Variants in NPAS2 observed in about 807,000 individuals in gnomAD.
NPAS2 encodes neuronal PAS domain protein 2, also known as neuronal PAS domain-containing protein 2.
A neutral mutation model predicts 107.5 loss-of-function variants in NPAS2; 23 were observed. The observed-to-expected ratio is 0.21, with a 90% CI of 0.15 to 0.30. The LOEUF (loss-of-function observed/expected upper bound fraction) is 0.30, where lower values mean the gene tolerates loss of function less well. Among genes scored for constraint, NPAS2 ranks in the 10% least tolerant of loss-of-function variants. NPAS2 has a pLI of 1.00. For missense variants in NPAS2, 756 were observed against 1,043.3 expected (o/e 0.72, Z 3.79); for synonymous variants, 403 against 417.5 (o/e 0.97, Z 0.42).
intron 1 of NPAS2, among the ~76,000 whole-genome samples, chr2:100,879,512 G>T (rs146164052): frequency 6.6e-6 from 1 of 151,398 alleles, no homozygotes; most frequent in Non-Finnish European, 1.5e-5. Flanking sequence ...CCTTCCATCC[G>T]TCCCAAACCC....
At chr2:100,942,975 C>T (rs1362144837) in intron 5 of NPAS2, among the ~76,000 whole-genome samples, 1 of 152,198 alleles carries the variant, frequency 6.6e-6, no homozygotes, top group Non-Finnish European at 1.5e-5. Flanking sequence ...GCAATTCCTG[C>T]ATTCATCCCA....
chr2:100,920,618 G>A (rs546975507), intron 2 of NPAS2, among the ~76,000 whole-genome samples: 1 of 152,194 alleles, frequency 6.6e-6, no homozygotes, highest in Non-Finnish European at 1.5e-5. Flanking sequence ...TCATCACAGA[G>A]CTGCTGGCCC....
At chr2:100,950,032 C>T (rs911461736) in intron 7 of NPAS2, among the ~76,000 whole-genome samples, 1 of 152,208 alleles carries the variant, frequency 6.6e-6, no homozygotes, top group African/African-American at 2.4e-5. Flanking sequence ...TGAAAGTACC[C>T]GGTTACCTGA....
intron 1 of NPAS2, among the ~76,000 whole-genome samples, chr2:100,857,317 AG>A (rs1678641632): frequency 6.7e-6 from 1 of 148,912 alleles, no homozygotes; most frequent in African/African-American, 2.5e-5. Context: ...AAAAAAAAAA[AG>A]ATGTTATCAT....
chr2:100,947,402 T>G (rs1674964807), intron 5 of NPAS2, among the ~76,000 whole-genome samples: 1 of 151,952 alleles, frequency 6.6e-6, no homozygotes, highest in African/African-American at 2.4e-5. Context: ...ATACAAAAAA[T>G]TAGCCGGCCA....
At chr2:100,993,584 A>G (rs1269080120) in intron 20 of NPAS2, 57 bp downstream of exon 20, 2 of 1,303,174 alleles carry the variant, frequency 1.5e-6, no homozygotes, top group African/African-American at 1.5e-5. Context: ...GCCACGCTCC[A>G]CACCCGAAGT....
intron 2 of NPAS2, among the ~76,000 whole-genome samples, chr2:100,910,083 C>T (rs989478502): frequency 1.3e-5 from 2 of 152,090 alleles, no homozygotes; most frequent in Non-Finnish European, 2.9e-5. Flanking sequence ...TCTCTGGGGG[C>T]ATCTGAGGCA....
At chr2:100,942,487 G>C (rs1015465813) in intron 5 of NPAS2, among the ~76,000 whole-genome samples, 5 of 151,944 alleles carry the variant, frequency 3.3e-5, no homozygotes, top group African/African-American at 1.2e-4. Context: ...GCTTAGAGTT[G>C]ATCATGGATT....
At chr2:100,841,780 G>A (rs753882866) in intron 1 of NPAS2, among the ~76,000 whole-genome samples, 2 of 152,042 alleles carry the variant, frequency 1.3e-5, no homozygotes, top group Non-Finnish European at 2.9e-5. Context: ...GCACACATAT[G>A]CATACACACA....
Position 100,873,307 on chromosome 2 carries a change from TACACACACACACACACACAC to T in NPAS2, c.-22-31410_-22-31391del, listed in dbSNP as rs368306404. On this transcript the variant is annotated intron_variant, in intron 1 of 20. Transcript: ENST00000335681. ...ATATATATATATATATATATATATA[TACACACACACACACACACAC>T]ACACACACACACACATATATACATA... Among the ~76,000 whole-genome samples the T allele has an allele frequency of 6.9e-4, 29 of 41,900 alleles. 1 individual carries two copies. Among genetic ancestry groups the T allele is most frequent in the African/African-American group, 2.2e-3 (28 of 12,594 alleles). 27.5% of individuals were successfully genotyped at this position (41,900 alleles called of 152,430 possible).
Position 100,904,767 on chromosome 2 carries a change from G to C in NPAS2, c.13G>C (p.Glu5Gln). 2 of 1,595,694 alleles carry C rather than the reference G, an allele frequency of 1.3e-6. No individual in the cohort carries two copies. Among genetic ancestry groups the C allele is most frequent in the Non-Finnish European group, 1.7e-6 (2 of 1,167,388 alleles). Residue 5 changes from glutamate to glutamine, a missense_variant, in exon 2 of 21, where the codon GAG (glutamate) becomes CAG (glutamine). Glu to Gln is a conservative substitution (Grantham distance 29). Around this residue, in one of 4 missense-constraint regions of NPAS2, gnomAD observed 146 missense variants for 249.6 expected, o/e 0.58. Coordinates refer to ENST00000335681, the MANE Select transcript of NPAS2 (RefSeq NM_002518.4). ...CATAGAAAATCTAATGGATGAAGAT[G>C]AGAAAGACAGAGCCAAGAGGTAAGA... is the stretch of plus-strand genomic sequence containing the variant. The part of the protein sequence containing the change: MDED[E>Q]KDRAKRASRN...
At position 100,974,428 on chromosome 2, in the gene NPAS2, G is replaced by A. The variant is rs76295388; in HGVS notation, c.1141-375G>A. 2.4e-4 allele frequency among the ~76,000 whole-genome samples: 36 copies of A among 152,290 alleles called. No homozygotes were observed. In the East Asian group the frequency reaches 6.6e-3, roughly 28 times the overall value. ...CAAAGGCACCTGTCCCAGTGGATGA[G>A]TTTACAGTCCACTGCCAGCAGCAAC... is the stretch of plus-strand genomic sequence containing the variant. On this transcript the variant is annotated intron_variant, in intron 12 of 20. Transcript: ENST00000335681.
chr2:100,943,092 G>A (rs2105011210), intron 5 of NPAS2, among the ~76,000 whole-genome samples: 1 of 152,212 alleles, frequency 6.6e-6, no homozygotes, highest in African/African-American at 2.4e-5. Context: ...GCTGGGTTGA[G>A]GGAAGTTCTG....
At chr2:100,946,089 G>A (rs915879415) in intron 5 of NPAS2, among the ~76,000 whole-genome samples, 1 of 152,218 alleles carries the variant, frequency 6.6e-6, no homozygotes, top group African/African-American at 2.4e-5. Context: ...AGGTGCCCTT[G>A]TAGTCATTCT....
At chr2:100,942,919 G>A (rs10172052) in intron 5 of NPAS2, among the ~76,000 whole-genome samples, 2,409 of 152,288 alleles carry the variant, frequency 0.016, 62 homozygotes, top group African/African-American at 0.054. Context: ...TGTAGCTGCT[G>A]TGGGCTCTTC....
At chr2:100,887,201 C>T (rs1299121493) in intron 1 of NPAS2, among the ~76,000 whole-genome samples, 1 of 152,224 alleles carries the variant, frequency 6.6e-6, no homozygotes, top group East Asian at 1.9e-4. Flanking sequence ...CCAATCCAGA[C>T]ACTAGCTCCT....
intron 1 of NPAS2, among the ~76,000 whole-genome samples, chr2:100,829,143 A>T (rs1676569852): frequency 1.3e-5 from 2 of 148,258 alleles, no homozygotes; most frequent in African/African-American, 2.5e-5. Flanking sequence ...TATGTATTTT[A>T]TATTTTAATG....
chr2:100,987,945 C>A, intron 16 of NPAS2, 134 bp from the exon 17 acceptor site: 1 of 934,032 alleles, frequency 1.1e-6, no homozygotes, highest in Non-Finnish European at 1.7e-6. Flanking sequence ...CCATGTCCAC[C>A]AGTGGAGTAA....
At chr2:100,826,373 C>T (rs746340696) in intron 1 of NPAS2, among the ~76,000 whole-genome samples, 1 of 152,046 alleles carries the variant, frequency 6.6e-6, no homozygotes, top group Non-Finnish European at 1.5e-5. Flanking sequence ...ACCAGCGAGT[C>T]GGAGGTTGAA....
Sources: allele counts gnomAD v4.1 joint callset (sites outside exome capture counted in the v4.1 genomes callset), GRCh38; gene constraint gnomAD v4.1.1; regional missense constraint gnomAD v4.1.1; transcripts MANE v1.5; gene names NCBI Gene and HGNC (gene_info 2026-07-23, HGNC 2026-07-21).